The following CDYL variants were observed in gnomAD, a reference collection of about 807,000 sequenced individuals.
The protein encoded by CDYL is chromodomain Y-like protein.
Under a neutral mutation model 47.3 loss-of-function variants are expected in CDYL, and 8 were observed. The ratio of observed to expected loss-of-function variants is 0.17; its 90% CI spans 0.10 to 0.31. The LOEUF (loss-of-function observed/expected upper bound fraction) is 0.31. Among genes scored for constraint, CDYL ranks in the 10% least tolerant of loss-of-function variants. The probability of loss-of-function intolerance (pLI) is 1.00; values close to 1 mark genes in which losing one functional copy is unlikely to be tolerated. For synonymous variants in CDYL, 266 were observed against 265.0 expected, an observed-to-expected ratio of 1.00 and a Z score of -0.04; for missense variants, 471 against 701.4, an observed-to-expected ratio of 0.67 and a Z score of 3.71.
chr6:4,707,759 C>T (rs1757072777), intron 1 of CDYL, among the ~76,000 whole-genome samples: 1 of 151,942 alleles, frequency 6.6e-6, no homozygotes, highest in Non-Finnish European at 1.5e-5. Context: ...TAGTTGCCAT[C>T]CTAGTGGGTG....
intron 1 of CDYL, among the ~76,000 whole-genome samples, chr6:4,844,995 A>G (rs938065039): frequency 2.0e-5 from 3 of 152,184 alleles, no homozygotes; most frequent in Non-Finnish European, 4.4e-5. Context: ...GTTTTTATCC[A>G]ATCAAAAATA....
At chr6:4,779,180 C>T (rs1581161063) in intron 1 of CDYL, among the ~76,000 whole-genome samples, 2 of 152,268 alleles carry the variant, frequency 1.3e-5, no homozygotes, top group African/African-American at 2.4e-5. Flanking sequence ...TAAATGAACG[C>T]GATAGTCTGA....
chr6:4,844,519 C>G (rs965190769), intron 1 of CDYL, among the ~76,000 whole-genome samples: 2 of 152,226 alleles, frequency 1.3e-5, no homozygotes, highest in African/African-American at 4.8e-5. Flanking sequence ...TCCCCACACG[C>G]TGCTCTGTCC....
At position 4,842,207 on chromosome 6, in the gene CDYL, T is replaced by A. The variant is rs553749467; in HGVS notation, c.25-49506T>A. ...TTATTAATATAAATAATATAAATAATAATATATAATTATATATAAATAATA... is the reference window on the plus strand; with the variant it reads ...TTATTAATATAAATAATATAAATAAAAATATATAATTATATATAAATAATA... On this transcript the variant is annotated intron_variant, in intron 1 of 6. Transcript: ENST00000397588. Among the ~76,000 whole-genome samples the A allele has an allele frequency of 4.5e-4, 66 of 145,282 alleles. No individual in the cohort carries two copies. The East Asian group carries it at 0.012, about 26-fold the overall frequency.
intron 1 of CDYL, among the ~76,000 whole-genome samples, chr6:4,808,459 A>C (rs749671338): frequency 6.6e-6 from 1 of 152,180 alleles, no homozygotes; most frequent in Non-Finnish European, 1.5e-5. Flanking sequence ...CATTTGCTCA[A>C]CTCTAGTATA....
At chr6:4,825,374 T>C (rs1759952969) in intron 1 of CDYL, among the ~76,000 whole-genome samples, 2 of 152,234 alleles carry the variant, frequency 1.3e-5, no homozygotes, top group Admixed American at 1.3e-4. Flanking sequence ...TGAGTAGTGA[T>C]AGTTTTACTT....
intron 1 of CDYL, among the ~76,000 whole-genome samples, chr6:4,779,861 A>G (rs903885057): frequency 6.0e-4 from 91 of 152,352 alleles, no homozygotes; most frequent in African/African-American, 2.2e-3. Context: ...GTAGACTCCT[A>G]TATGAATGTG....
intron 1 of CDYL, among the ~76,000 whole-genome samples, chr6:4,845,991 T>G (rs1022502609): frequency 6.6e-6 from 1 of 152,162 alleles, no homozygotes; most frequent in African/African-American, 2.4e-5. Context: ...GGAGCCAATA[T>G]TTAACTGCTA....
chr6:4,821,260 C>CT (rs1176819548), intron 1 of CDYL, among the ~76,000 whole-genome samples: 1,392 of 60,428 alleles, frequency 0.023, 229 homozygotes, highest in East Asian at 0.05. Flanking sequence ...TATGGGAATT[C>CT]TTTTTTTTTT....
intron 1 of CDYL, among the ~76,000 whole-genome samples, chr6:4,823,956 G>T (rs988441333): frequency 6.6e-6 from 1 of 152,172 alleles, no homozygotes. Context: ...GCCTATTCTA[G>T]ATATTTGATA....
At position 4,954,374 on chromosome 6, in the gene CDYL, A is replaced by G. The variant is rs577914124; in HGVS notation, c.*318A>G. The G allele has an allele frequency of 4.6e-5, 8 of 175,130 alleles. No homozygotes were observed. The highest frequency in any genetic ancestry group is 1.9e-4 in the African/African-American group (8 of 42,552). The allele number at this position is 175,130 out of a possible 1,614,324, so 10.8% of individuals were successfully genotyped here. Reference sequence around the variant, plus strand: ...TTGTTTTCTTTGGCTAGTACTGTATAAAAAACAGAATTGTGTTTTATTGGT... The same window carrying G: ...TTGTTTTCTTTGGCTAGTACTGTATGAAAAACAGAATTGTGTTTTATTGGT... On this transcript the variant is annotated 3_prime_UTR_variant, in exon 7 of 7. Transcript: ENST00000397588.
chr6:4,809,017 G>T (rs939783905), intron 1 of CDYL, among the ~76,000 whole-genome samples: 15 of 152,058 alleles, frequency 9.9e-5, no homozygotes, highest in Non-Finnish European at 1.8e-4. Flanking sequence ...AAGCCTCCTC[G>T]TTCCAGCTTT....
intron 1 of CDYL, among the ~76,000 whole-genome samples, chr6:4,887,427 C>A (rs971502854): frequency 5.3e-5 from 8 of 151,260 alleles, no homozygotes; most frequent in Non-Finnish European, 1.2e-4. Context: ...TGTTTTTTTT[C>A]TTTTTGGTGA....
At chr6:4,719,026 C>T (rs534479854) in intron 2 of CDYL, among the ~76,000 whole-genome samples, 7 of 152,056 alleles carry the variant, frequency 4.6e-5, no homozygotes, top group Non-Finnish European at 8.8e-5. Context: ...TGGGTTCAAA[C>T]GATTCTCCTG....
At chr6:4,777,828 G>C (rs1173692503) in intron 1 of CDYL, among the ~76,000 whole-genome samples, 1 of 152,142 alleles carries the variant, frequency 6.6e-6, no homozygotes, top group Non-Finnish European at 1.5e-5. Flanking sequence ...TGTTGTCTGC[G>C]ATGTTAGTCT....
chr6:4,842,083 ATAT>A (rs985572280), intron 1 of CDYL, among the ~76,000 whole-genome samples: 8 of 143,218 alleles, frequency 5.6e-5, no homozygotes, highest in African/African-American at 1.0e-4. Flanking sequence ...ATATAATTAT[ATAT>A]TATTTATATC....
rs370917045 is a variant in CDYL, at chr6:4,891,880, G to A, written c.192G>A (p.Lys64=). 1.9e-6 allele frequency: 3 copies of A among 1,613,994 alleles called. No homozygotes were observed. The highest frequency in any genetic ancestry group is 2.5e-6 in the Non-Finnish European group (3 of 1,180,026). Residue 64 remains lysine, a synonymous_variant, in exon 2 of 7, where the codon AAG becomes AAA. Transcript: ENST00000397588. ...ACAGACGCCACACGGAGAAGCAGAA[G>A]GAGAGCACATTGACCAGAACAAACA... ...DFNRRHTEKQ[K]ESTLTRTNRT...
chr6:4,819,497 T>G (rs1313748723), intron 1 of CDYL, among the ~76,000 whole-genome samples: 1 of 152,086 alleles, frequency 6.6e-6, no homozygotes. Flanking sequence ...AACCTTCATG[T>G]ATTGGGAACT....
At chr6:4,922,388 A>G (rs984373538) in intron 2 of CDYL, among the ~76,000 whole-genome samples, 4 of 152,252 alleles carry the variant, frequency 2.6e-5, no homozygotes, top group African/African-American at 9.6e-5. Context: ...TGGGCAATGA[A>G]TCCTGAGGAC....
Sources: gnomAD v4.1 joint callset for allele counts (sites outside exome capture counted in the v4.1 genomes callset) on GRCh38, gnomAD v4.1.1 for gene constraint, MANE v1.5 for transcripts, NCBI Gene and HGNC (gene_info 2026-07-23, HGNC 2026-07-21) for gene names.